Variants in TAF13 observed in about 807,000 individuals in gnomAD.
TAF13 encodes the protein transcription initiation factor TFIID subunit 13.
A neutral mutation model predicts 18.7 loss-of-function variants in TAF13; 9 were observed. The observed-to-expected ratio is 0.48, with a 90% CI of 0.29 to 0.84. The LOEUF is 0.84. TAF13 is among the 40% of genes least tolerant of loss of function. The pLI, the probability that TAF13 is intolerant of heterozygous loss-of-function variation, is 0.08. For missense variants in TAF13, 105 were observed against 146.5 expected (o/e 0.72, Z 1.46); for synonymous variants, 49 against 44.1 (o/e 1.11, Z -0.44).
chr1:109,065,864 T>C (rs1663943079), intron 3 of TAF13, among the ~76,000 whole-genome samples: 2 of 147,822 alleles, frequency 1.4e-5, no homozygotes, highest in South Asian at 4.2e-4. Context: ...GAGGTTGCAG[T>C]GAGCCAAGAT....
chr1:109,074,278 C>G (rs967964849), intron 2 of TAF13, among the ~76,000 whole-genome samples: 1 of 152,168 alleles, frequency 6.6e-6, no homozygotes, highest in Non-Finnish European at 1.5e-5. Flanking sequence ...AACCTTACCC[C>G]CAACCCCGTG....
intron 2 of TAF13, among the ~76,000 whole-genome samples, chr1:109,071,977 C>A (rs60585228): frequency 0.095 from 644 of 6,754 alleles, 61 homozygotes; most frequent in Middle Eastern, 0.5. Context: ...TATATATATA[C>A]ACACATATAT....
At chr1:109,073,911 G>A (rs143130175) in intron 2 of TAF13, among the ~76,000 whole-genome samples, 2,841 of 152,012 alleles carry the variant, frequency 0.019, 87 homozygotes, top group African/African-American at 0.065. Context: ...TACTCCGTCT[G>A]GGAGGTGAGG....
chr1:109,068,095 A>G (rs1189392658), intron 2 of TAF13, among the ~76,000 whole-genome samples: 7 of 152,048 alleles, frequency 4.6e-5, no homozygotes, highest in Non-Finnish European at 1.0e-4. Context: ...GGCTCACGTG[A>G]GCAGCTGAGA....
At chr1:109,074,277 C>T (rs1023517795) in intron 2 of TAF13, among the ~76,000 whole-genome samples, 1 of 152,158 alleles carries the variant, frequency 6.6e-6, no homozygotes, top group Non-Finnish European at 1.5e-5. Flanking sequence ...TAACCTTACC[C>T]CCAACCCCGT....
chr1:109,069,327 T>C (rs183184446), intron 2 of TAF13, among the ~76,000 whole-genome samples: 211 of 152,310 alleles, frequency 1.4e-3, no homozygotes, highest in Non-Finnish European at 2.1e-3. Flanking sequence ...TAAAATGGCA[T>C]AGTATTTGCA....
chr1:109,067,609 C>CA (rs1405027970), intron 2 of TAF13, among the ~76,000 whole-genome samples: 1 of 151,570 alleles, frequency 6.6e-6, no homozygotes, highest in Non-Finnish European at 1.5e-5. Flanking sequence ...GGCTGTGTCT[C>CA]AAAAATAATA....
At chr1:109,075,377 G>T (rs895700884) in intron 1 of TAF13, among the ~76,000 whole-genome samples, 4 of 152,258 alleles carry the variant, frequency 2.6e-5, no homozygotes, top group Admixed American at 6.5e-5. Flanking sequence ...TTAAACAGTT[G>T]ATACTGAATC....
chr1:109,069,629 TAA>T (rs777407942), intron 2 of TAF13, among the ~76,000 whole-genome samples: 37 of 152,168 alleles, frequency 2.4e-4, no homozygotes, highest in Non-Finnish European at 4.6e-4. Context: ...TTATTGTACC[TAA>T]GTTTTTTTTT....
intron 2 of TAF13, among the ~76,000 whole-genome samples, chr1:109,069,422 A>T (rs994364984): frequency 6.6e-6 from 1 of 152,232 alleles, no homozygotes; most frequent in African/African-American, 2.4e-5. Context: ...CTATGTAAAT[A>T]GTTGTTATAC....
At chr1:109,072,023 TATATATATATATATATATATACACACAC>T (rs1245149571) in intron 2 of TAF13, among the ~76,000 whole-genome samples, 3 of 4,504 alleles carry the variant, frequency 6.7e-4, no homozygotes, top group African/African-American at 2.3e-3. Flanking sequence ...TACACACACA[TATATATATATATATATATATACACACAC>T]ATATATATAT....
At chr1:109,075,834 A>T in intron 1 of TAF13, 87 bp downstream of exon 1, 1 of 1,572,910 alleles carries the variant, frequency 6.4e-7, no homozygotes. Flanking sequence ...TCACTAAGGC[A>T]AGCAGACCCG....
chr1:109,066,039 A>G (rs1663945900), intron 3 of TAF13, 96 bp downstream of exon 3: 1 of 1,012,228 alleles, frequency 9.9e-7, no homozygotes, highest in South Asian at 1.5e-5. Context: ...TGGATAGCTT[A>G]TTTCAAAGGG....
chr1:109,065,922 A>C (rs1197136830), intron 3 of TAF13, among the ~76,000 whole-genome samples: 1 of 99,280 alleles, frequency 1.0e-5, no homozygotes, highest in Non-Finnish European at 2.1e-5. Flanking sequence ...ACTCCATCTC[A>C]AAAAAAAAAA....
Position 109,075,982 on chromosome 1 carries a change from C to A in TAF13, c.-35G>T. On this transcript the variant is annotated 5_prime_UTR_variant, in exon 1 of 4. Coordinates refer to ENST00000338366, the MANE Select transcript of TAF13 (RefSeq NM_005645.4). The stretch of plus-strand genomic sequence containing the variant: ...ACGCCAACTCACAGCGTCCTGCCGG[C>A]TGGCTCCCAGCTGGTTACACTACTT... 1.2e-6 allele frequency: 2 copies of A among 1,614,204 alleles called. No individual in the cohort carries two copies. Among genetic ancestry groups the A allele is most frequent in the East Asian group, 2.2e-5 (1 of 44,878 alleles).
At chr1:109,075,424 T>C (rs541496647) in intron 1 of TAF13, among the ~76,000 whole-genome samples, 31 of 152,300 alleles carry the variant, frequency 2.0e-4, no homozygotes, top group South Asian at 1.0e-3. Flanking sequence ...TAAGCAAAAC[T>C]AATATTTCCT....
intron 2 of TAF13, among the ~76,000 whole-genome samples, chr1:109,073,277 C>T (rs1171421065): frequency 6.6e-6 from 1 of 151,950 alleles, no homozygotes; most frequent in Non-Finnish European, 1.5e-5. Context: ...CAGTGGCTCA[C>T]GCCTGTAATC....
chr1:109,067,915 C>T (rs28715911), intron 2 of TAF13, among the ~76,000 whole-genome samples: 41,754 of 152,034 alleles, frequency 0.27, 5,946 homozygotes, highest in East Asian at 0.36. Flanking sequence ...ATCTGGTTCG[C>T]GTCTTTACTC....
chr1:109,075,797 G>C (rs1664168023), intron 1 of TAF13, 124 bp downstream of exon 1: 15 of 1,271,640 alleles, frequency 1.2e-5, no homozygotes, highest in Non-Finnish European at 1.6e-5. Flanking sequence ...CTTAGGGCGT[G>C]AAGTCCCCGA....
Sources: gnomAD v4.1 joint callset for allele counts (sites outside exome capture counted in the v4.1 genomes callset) on GRCh38, gnomAD v4.1.1 for gene constraint, MANE v1.5 for transcripts, NCBI Gene and HGNC (gene_info 2026-07-23, HGNC 2026-07-21) for gene names.